Variants in TNFSF4 observed in about 807,000 individuals in gnomAD.
TNFSF4 encodes tumor necrosis factor ligand superfamily member 4.
In TNFSF4, 4 loss-of-function variants were observed where a neutral mutation model predicts 7.3. The observed-to-expected ratio is 0.55, with a 90% confidence interval of 0.27 to 1.25. The LOEUF is 1.25. Ranked by LOEUF, TNFSF4 falls within the 50% of genes most tolerant of loss-of-function variation. The pLI is 0.12. For missense variants in TNFSF4, 181 were observed against 208.8 expected (o/e 0.87, Z 0.82); for synonymous variants, 76 against 83.7 (o/e 0.91, Z 0.50).
the TNFSF4 span, among the ~76,000 whole-genome samples, chr1:173,230,835 G>T: frequency 1.3e-5 from 2 of 152,086 alleles, no homozygotes; most frequent in South Asian, 4.1e-4. Flanking sequence ...AAATAAACTA[G>T]AAAATCTAGA....
chr1:173,211,760 G>A (rs1650382673), upstream of TNFSF4, among the ~76,000 whole-genome samples: 1 of 152,170 alleles, frequency 6.6e-6, no homozygotes, highest in East Asian at 1.9e-4. Context: ...ATTCTGTTCA[G>A]AGAATTCTAG....
the TNFSF4 span, among the ~76,000 whole-genome samples, chr1:173,320,248 T>C: frequency 1.3e-5 from 2 of 152,140 alleles, no homozygotes; most frequent in Non-Finnish European, 2.9e-5. Context: ...AGAATCTCAA[T>C]AGATGCAGAA....
At chr1:173,241,633 AAC>A in the TNFSF4 span, among the ~76,000 whole-genome samples, 4 of 152,236 alleles carry the variant, frequency 2.6e-5, no homozygotes, top group Non-Finnish European at 5.9e-5. Context: ...TAAGATTGGC[AAC>A]AGTTTATTAG....
At chr1:173,262,318 A>G in the TNFSF4 span, among the ~76,000 whole-genome samples, 994 of 152,320 alleles carry the variant, frequency 6.5e-3, 6 homozygotes, top group African/African-American at 0.023. Context: ...ATAGATGTTG[A>G]TGGAACATAC....
the TNFSF4 span, among the ~76,000 whole-genome samples, chr1:173,319,251 C>G: frequency 6.6e-6 from 1 of 152,170 alleles, no homozygotes; most frequent in African/African-American, 2.4e-5. Flanking sequence ...GAATTCACCA[C>G]AGTGCAGCAA....
At chr1:173,239,867 C>T in the TNFSF4 span, among the ~76,000 whole-genome samples, 6 of 152,088 alleles carry the variant, frequency 3.9e-5, no homozygotes, top group Non-Finnish European at 8.8e-5. Flanking sequence ...CTCATCTCTA[C>T]TAAAACCACA....
the TNFSF4 span, among the ~76,000 whole-genome samples, chr1:173,367,082 A>C: frequency 6.6e-5 from 10 of 152,366 alleles, no homozygotes; most frequent in South Asian, 2.1e-4. Context: ...GTGTCTTCCC[A>C]TACTGACTTC....
the TNFSF4 span, among the ~76,000 whole-genome samples, chr1:173,212,587 A>G: frequency 6.6e-6 from 1 of 151,922 alleles, no homozygotes; most frequent in Non-Finnish European, 1.5e-5. Context: ...ACAAAAAAAA[A>G]AAAAAGAAAG....
At chr1:173,284,657 T>C in the TNFSF4 span, among the ~76,000 whole-genome samples, 20 of 152,300 alleles carry the variant, frequency 1.3e-4, no homozygotes, top group African/African-American at 4.3e-4. Context: ...TGCTCATTTA[T>C]CATTCTGAAA....
At chr1:173,241,955 A>C in the TNFSF4 span, among the ~76,000 whole-genome samples, 3 of 152,202 alleles carry the variant, frequency 2.0e-5, no homozygotes, top group African/African-American at 7.2e-5. Context: ...ATCTGACAAG[A>C]GTAGGGGAAC....
At chr1:173,206,891 C>A in intron 1 of TNFSF4, 133 bp downstream of exon 1, 1 of 1,041,322 alleles carries the variant, frequency 9.6e-7, no homozygotes, top group Non-Finnish European at 1.3e-6. Context: ...CCACACTTTA[C>A]GATTGCTGTG....
chr1:173,247,164 CAA>C, the TNFSF4 span, among the ~76,000 whole-genome samples: 3 of 152,126 alleles, frequency 2.0e-5, no homozygotes, highest in Non-Finnish European at 4.4e-5. Flanking sequence ...GGATTCTGAC[CAA>C]TTAGTACTAT....
the TNFSF4 span, among the ~76,000 whole-genome samples, chr1:173,230,929 G>T: frequency 6.6e-6 from 1 of 152,144 alleles, no homozygotes. Flanking sequence ...CCTATAACAG[G>T]CTCTGAAATT....
chr1:173,375,896 A>G, the TNFSF4 span, among the ~76,000 whole-genome samples: 1 of 152,066 alleles, frequency 6.6e-6, no homozygotes, highest in Admixed American at 6.5e-5. Context: ...AAGAGCTGTA[A>G]CACTCACCGC....
At chr1:173,370,170 C>T in the TNFSF4 span, among the ~76,000 whole-genome samples, 2 of 152,172 alleles carry the variant, frequency 1.3e-5, no homozygotes, top group African/African-American at 2.4e-5. Context: ...GATAGATATA[C>T]AGATGTCCTA....
chr1:173,380,294 G>C, the TNFSF4 span, among the ~76,000 whole-genome samples: 1 of 152,050 alleles, frequency 6.6e-6, no homozygotes, highest in Non-Finnish European at 1.5e-5. Flanking sequence ...ATGAATATGG[G>C]GAACAAGTTA....
chr1:173,205,363 T>A (rs780170323), intron 1 of TNFSF4: 1 of 1,611,804 alleles, frequency 6.2e-7, no homozygotes, highest in South Asian at 1.1e-5. Context: ...CCCACAGCTT[T>A]CCTTCTGTCC....
chr1:173,366,814 AAC>A, the TNFSF4 span, among the ~76,000 whole-genome samples: 2 of 150,670 alleles, frequency 1.3e-5, no homozygotes, highest in Non-Finnish European at 3.0e-5. Flanking sequence ...ATGTCCTATA[AAC>A]ACAAGAATTT....
At chr1:173,226,739 GT>G in the TNFSF4 span, among the ~76,000 whole-genome samples, 27 of 152,254 alleles carry the variant, frequency 1.8e-4, no homozygotes, top group African/African-American at 6.0e-4. Context: ...TTCTTCAGCT[GT>G]TAACTGAACT....
Sources: allele counts gnomAD v4.1 joint callset (sites outside exome capture counted in the v4.1 genomes callset), GRCh38; gene constraint gnomAD v4.1.1; transcripts MANE v1.5; gene names NCBI Gene and HGNC (gene_info 2026-07-23, HGNC 2026-07-21).